Variants in SNTB2 observed in about 807,000 individuals in gnomAD.
The protein encoded by SNTB2 is syntrophin beta 2.
SNTB2 carries 34 observed loss-of-function variants against 46.2 expected under a neutral mutation model. The ratio of observed to expected loss-of-function variants is 0.74; its 90% confidence interval spans 0.56 to 0.98. The LOEUF is 0.98. Among genes scored for constraint, SNTB2 ranks in the 50% least tolerant of loss-of-function variants. SNTB2 has a pLI of 0.00. For synonymous variants in SNTB2, 290 were observed against 312.6 expected, an observed-to-expected ratio of 0.93 and a Z score of 0.76; for missense variants, 603 against 731.4, an observed-to-expected ratio of 0.82 and a Z score of 2.02.
At chr16:69,248,618 C>T (rs1299114257) in intron 2 of SNTB2, among the ~76,000 whole-genome samples, 2 of 151,958 alleles carry the variant, frequency 1.3e-5, no homozygotes, top group South Asian at 2.1e-4. Context: ...GGTGACAGAA[C>T]GAGACTCTGT....
chr16:69,244,544 CAA>C (rs1964650798), intron 1 of SNTB2, among the ~76,000 whole-genome samples: 1 of 152,142 alleles, frequency 6.6e-6, no homozygotes, highest in Admixed American at 6.6e-5. Context: ...GTTTTTGAAA[CAA>C]GAACACCATG....
intron 3 of SNTB2, among the ~76,000 whole-genome samples, chr16:69,264,416 G>C (rs527566851): frequency 6.6e-6 from 1 of 152,238 alleles, no homozygotes; most frequent in African/African-American, 2.4e-5. Context: ...AGTTGTAAAG[G>C]TTACTATAAT....
At chr16:69,217,979 C>T (rs1453795635) in intron 1 of SNTB2, among the ~76,000 whole-genome samples, 1 of 152,128 alleles carries the variant, frequency 6.6e-6, no homozygotes, top group African/African-American at 2.4e-5. Flanking sequence ...GCACAGGACA[C>T]TTTGTGTGTG....
At chr16:69,299,289 C>A (rs1050192922) in intron 5 of SNTB2, among the ~76,000 whole-genome samples, 5 of 151,918 alleles carry the variant, frequency 3.3e-5, no homozygotes, top group African/African-American at 1.2e-4. Context: ...ATTACAGGCA[C>A]CCGCCACCAC....
intron 2 of SNTB2, among the ~76,000 whole-genome samples, chr16:69,251,203 C>T (rs1486365636): frequency 2.0e-5 from 3 of 151,312 alleles, no homozygotes; most frequent in Admixed American, 6.6e-5. Flanking sequence ...TGGTCTCGAT[C>T]TGCTGACCTC....
chr16:69,194,808 A>G (rs562017282), intron 1 of SNTB2, among the ~76,000 whole-genome samples: 10 of 152,338 alleles, frequency 6.6e-5, no homozygotes, highest in Admixed American at 5.9e-4. Flanking sequence ...AGGTGATGTT[A>G]ACAGAAGAAG....
In SNTB2 at chr16:69,237,085, G is replaced by A. The variant is rs74420603; in HGVS notation, c.581-8517G>A. On this transcript the variant is annotated intron_variant, in intron 1 of 6. Transcript: ENST00000336278. ...GGATATGTTGAATCTGAAGGATGGG[G>A]CAGCACCCAGGTGGTGGGATTGGGG... Among the ~76,000 whole-genome samples the A allele has an allele frequency of 2.9e-3, 436 of 152,310 alleles. 17 individuals carry two copies. The East Asian group carries it at 0.075, about 26-fold the overall frequency.
rs1362562617 is a variant in SNTB2 at position 69,305,292 on chromosome 16, C to G, written c.*4368C>G. On this transcript the variant is annotated 3_prime_UTR_variant, in exon 7 of 7. Transcript: ENST00000336278. The stretch of plus-strand genomic sequence containing the variant: ...CATTTTTGAAACTTTCAGGGAAGAC[C>G]TGTAGACTCAAGCACTTTCTCTGCT... 1.3e-5 allele frequency: 2 copies of G among 152,608 alleles called. No individual in the cohort carries two copies. Among genetic ancestry groups the G allele is most frequent in the African/African-American group, 2.4e-5 (1 of 41,448 alleles). 9.5% of individuals were successfully genotyped at this position (152,608 alleles called of 1,614,324 possible). A position where few individuals can be genotyped will look rare whatever the true frequency, so the allele number is the denominator to read the frequency against.
intron 2 of SNTB2, among the ~76,000 whole-genome samples, chr16:69,250,581 C>T (rs540997510): frequency 3.9e-5 from 6 of 152,260 alleles, no homozygotes; most frequent in Admixed American, 1.3e-4. Context: ...CAACTATGTA[C>T]TTTAGAATGA....
intron 1 of SNTB2, among the ~76,000 whole-genome samples, chr16:69,234,008 A>G (rs1964532963): frequency 6.6e-6 from 1 of 152,062 alleles, no homozygotes; most frequent in Admixed American, 6.6e-5. Flanking sequence ...CAACAAAGTG[A>G]GACTCTGTCT....
chr16:69,244,987 A>G (rs35694263), intron 1 of SNTB2, among the ~76,000 whole-genome samples: 21,822 of 152,138 alleles, frequency 0.14, 1,694 homozygotes, highest in Middle Eastern at 0.23. Context: ...AGAAGAGAAA[A>G]ATCTGTCTTC....
chr16:69,196,706 G>T (rs1231680029), intron 1 of SNTB2, among the ~76,000 whole-genome samples: 1 of 152,136 alleles, frequency 6.6e-6, no homozygotes, highest in Non-Finnish European at 1.5e-5. Context: ...TGTGAGTCAG[G>T]TGGCATCATC....
chr16:69,261,148 A>T (rs1181404967), intron 3 of SNTB2, among the ~76,000 whole-genome samples: 1 of 152,112 alleles, frequency 6.6e-6, no homozygotes, highest in Non-Finnish European at 1.5e-5. Flanking sequence ...TTACGTTTTG[A>T]ATCCTAGTTG....
intron 1 of SNTB2, among the ~76,000 whole-genome samples, chr16:69,204,766 C>T (rs113334784): frequency 9.8e-5 from 15 of 152,322 alleles, no homozygotes; most frequent in African/African-American, 3.1e-4. Flanking sequence ...ATCCCAATTG[C>T]ATAGTCTGTG....
intron 3 of SNTB2, among the ~76,000 whole-genome samples, chr16:69,265,413 GATAAT>G (rs1210731246): frequency 6.6e-6 from 1 of 152,126 alleles, no homozygotes; most frequent in African/African-American, 2.4e-5. Flanking sequence ...TTTTTAGTGT[GATAAT>G]AAAATAAAGA....
intron 5 of SNTB2, among the ~76,000 whole-genome samples, chr16:69,292,401 T>TC (rs1965176028): frequency 8.0e-5 from 2 of 24,876 alleles, no homozygotes; most frequent in African/African-American, 4.4e-4. Flanking sequence ...TATATATATA[T>TC]ATATATTATA....
intron 4 of SNTB2, among the ~76,000 whole-genome samples, chr16:69,280,538 G>C (rs1298909091): frequency 7.1e-6 from 1 of 139,888 alleles, no homozygotes; most frequent in Non-Finnish European, 1.5e-5. Flanking sequence ...CCGGGCGGGG[G>C]GCTCACACCC....
chr16:69,228,152 T>C (rs573620387), intron 1 of SNTB2, among the ~76,000 whole-genome samples: 1 of 152,278 alleles, frequency 6.6e-6, no homozygotes, highest in Non-Finnish European at 1.5e-5. Flanking sequence ...CTTTTATTAG[T>C]TAAGCTTCTT....
At chr16:69,300,633 G>T (rs1449387602) in intron 6 of SNTB2, among the ~76,000 whole-genome samples, 199 bp from the exon 7 acceptor site, 1 of 152,198 alleles carries the variant, frequency 6.6e-6, no homozygotes, top group African/African-American at 2.4e-5. Flanking sequence ...CCTAATTGGG[G>T]ATGTGAAACC....
Sources: allele counts gnomAD v4.1 joint callset (sites outside exome capture counted in the v4.1 genomes callset), GRCh38; gene constraint gnomAD v4.1.1; transcripts MANE v1.5; gene names NCBI Gene and HGNC (gene_info 2026-07-23, HGNC 2026-07-21).